The following DNAH14 variants were observed in gnomAD, a reference collection of about 807,000 sequenced individuals.
The protein encoded by DNAH14 is axonemal beta dynein heavy chain 14.
Under a neutral mutation model 520.9 loss-of-function variants are expected in DNAH14, and 478 were observed. That is an observed-to-expected ratio of 0.92 (90% CI 0.85 to 0.99). DNAH14 has a LOEUF of 0.99. DNAH14 is among the 50% of genes least tolerant of loss of function. DNAH14 has a pLI of 0.00. For synonymous variants in DNAH14, 1,581 were observed against 1,757.2 expected (o/e 0.90, Z 2.51); for missense variants, 4,831 against 5,234.5 (o/e 0.92, Z 2.38).
intron 26 of DNAH14, 33 bp downstream of exon 26, chr1:225,119,327 A>G: frequency 1.4e-6 from 2 of 1,413,150 alleles, no homozygotes; most frequent in Non-Finnish European, 1.9e-6. Flanking sequence ...AAAATTATAT[A>G]TTTTATATAT....
chr1:225,043,461 G>C (rs2067665729), intron 13 of DNAH14, among the ~76,000 whole-genome samples: 1 of 152,102 alleles, frequency 6.6e-6, no homozygotes, highest in Admixed American at 6.5e-5. Flanking sequence ...TGTCAGTAAT[G>C]ACACCATTAT....
intron 42 of DNAH14, 69 bp downstream of exon 42, chr1:225,231,220 G>T (rs913534569): frequency 3.0e-6 from 3 of 985,584 alleles, no homozygotes; most frequent in Non-Finnish European, 4.4e-6. Context: ...ATATGCACAG[G>T]ATTACTTCTC....
chr1:225,062,721 G>C (rs1360055501), intron 17 of DNAH14, among the ~76,000 whole-genome samples: 1 of 152,142 alleles, frequency 6.6e-6, no homozygotes, highest in Non-Finnish European at 1.5e-5. Context: ...AATTATACAA[G>C]GCATTCAGTG....
At chr1:225,171,024 G>T (rs1191111425) in intron 36 of DNAH14, among the ~76,000 whole-genome samples, 1 of 152,130 alleles carries the variant, frequency 6.6e-6, no homozygotes, top group Non-Finnish European at 1.5e-5. Context: ...TGACTACTGG[G>T]TACATAACGA....
rs1265294259 is a variant in DNAH14, at chr1:225,335,509, A to G, written c.10081-1757A>G. The stretch of plus-strand genomic sequence containing the variant: ...TATACACGTGTGTACATGTACACAT[A>G]TACATATGTACATATATACATATGT... On this transcript the variant is annotated intron_variant, in intron 66 of 85. Coordinates refer to ENST00000682510, the MANE Select transcript of DNAH14 (RefSeq NM_001367479.1). 2.7e-3 allele frequency among the ~76,000 whole-genome samples: 363 copies of G among 132,318 alleles called. 9 individuals are homozygous for G. Among genetic ancestry groups the G allele is most frequent in the Non-Finnish European group, 4.2e-3 (261 of 61,538 alleles). The allele number at this position is 132,318 out of a possible 152,430, so 86.8% of individuals were successfully genotyped here. A position where few individuals can be genotyped will look rare whatever the true frequency, so the allele number is the denominator to read the frequency against.
chr1:225,279,386 G>T (rs2093573507), intron 54 of DNAH14, among the ~76,000 whole-genome samples: 1 of 152,140 alleles, frequency 6.6e-6, no homozygotes, highest in Admixed American at 6.5e-5. Flanking sequence ...GTTTAATTTT[G>T]CATAACAGTA....
intron 35 of DNAH14, among the ~76,000 whole-genome samples, chr1:225,162,582 G>A (rs539577966): frequency 3.3e-5 from 5 of 152,152 alleles, no homozygotes; most frequent in Non-Finnish European, 5.9e-5. Context: ...GAATGTCATT[G>A]GTATTTTGAT....
At chr1:225,373,158 A>C (rs987588382) in intron 77 of DNAH14, among the ~76,000 whole-genome samples, 4 of 139,404 alleles carry the variant, frequency 2.9e-5, no homozygotes, top group Non-Finnish European at 6.3e-5. Flanking sequence ...GTGTATGCTA[A>C]ACTAGCATTT....
At chr1:224,981,937 T>C (rs2062299522) in intron 8 of DNAH14, among the ~76,000 whole-genome samples, 4 of 152,156 alleles carry the variant, frequency 2.6e-5, no homozygotes, top group Admixed American at 2.6e-4. Flanking sequence ...TTACATAACT[T>C]ATAATAATTG....
chr1:225,087,357 C>T (rs963748614), intron 21 of DNAH14, among the ~76,000 whole-genome samples: 1 of 152,218 alleles, frequency 6.6e-6, no homozygotes, highest in African/African-American at 2.4e-5. Flanking sequence ...GGGCAGAGCC[C>T]TCATGATCTA....
chr1:224,981,457 T>C (rs1417541487), intron 8 of DNAH14, among the ~76,000 whole-genome samples: 7 of 152,182 alleles, frequency 4.6e-5, no homozygotes, highest in Admixed American at 4.6e-4. Flanking sequence ...ACCATTTCAA[T>C]CTCGCTGCTT....
intron 39 of DNAH14, among the ~76,000 whole-genome samples, chr1:225,204,774 C>T (rs2087309557): frequency 6.6e-6 from 1 of 152,198 alleles, no homozygotes; most frequent in African/African-American, 2.4e-5. Flanking sequence ...CTGACCATTG[C>T]TTTCCCCACT....
intron 1 of DNAH14, among the ~76,000 whole-genome samples, chr1:224,933,848 G>A (rs982820442): frequency 6.6e-6 from 1 of 151,882 alleles, no homozygotes; most frequent in Admixed American, 6.6e-5. Context: ...GAGGAGTTTT[G>A]CGTCTATGTT....
chr1:225,358,647 C>T lies in DNAH14; in HGVS notation c.11771C>T (p.Thr3924Ile). The change falls in exon 74 of 86, where the codon ACT becomes ATT. Residue 3924 changes from threonine (T) to isoleucine (I), a missense_variant. Physicochemically the swap from Thr to Ile is moderately conservative, Grantham distance 89 (BLOSUM62 -1). Transcript: ENST00000682510. ...AGAACTCCGCTGATACTTATTCAAA[C>T]TCATGGTAAGCTATTTGTGAATAGT... Reference protein sequence around the residue: ...NARTPLILIQTHGIDLTNILL... With the variant: ...NARTPLILIQIHGIDLTNILL... 1 of 1,546,668 alleles carries T rather than the reference C, an allele frequency of 6.5e-7. No homozygotes were observed. Among genetic ancestry groups the T allele is most frequent in the Non-Finnish European group, 8.7e-7 (1 of 1,145,518 alleles).
chr1:224,979,609 G>A (rs560319313), intron 8 of DNAH14, among the ~76,000 whole-genome samples: 1 of 152,290 alleles, frequency 6.6e-6, no homozygotes, highest in South Asian at 2.1e-4. Context: ...TTTGAGCTTG[G>A]AACCAATGGA....
At chr1:224,979,505 C>T (rs1025213180) in intron 8 of DNAH14, among the ~76,000 whole-genome samples, 2 of 152,178 alleles carry the variant, frequency 1.3e-5, no homozygotes, top group Admixed American at 1.3e-4. Context: ...GCAAGCCTTG[C>T]CACTGCAGAC....
chr1:225,388,694 A>G (rs2095869411), intron 82 of DNAH14, among the ~76,000 whole-genome samples: 1 of 152,204 alleles, frequency 6.6e-6, no homozygotes, highest in Admixed American at 6.5e-5. Flanking sequence ...CCACTCCAAG[A>G]GACAGTTATG....
At chr1:224,966,673 C>A (rs1040604868) in intron 5 of DNAH14, among the ~76,000 whole-genome samples, 1 of 152,086 alleles carries the variant, frequency 6.6e-6, no homozygotes, top group African/African-American at 2.4e-5. Flanking sequence ...AATTATCTAA[C>A]TTATCAAAAT....
intron 41 of DNAH14, among the ~76,000 whole-genome samples, chr1:225,222,590 A>G (rs1254448057): frequency 6.6e-6 from 1 of 152,090 alleles, no homozygotes; most frequent in Non-Finnish European, 1.5e-5. Flanking sequence ...GGTCCATTTT[A>G]CAGAGTGCTG....
Sources: allele counts gnomAD v4.1 joint callset (sites outside exome capture counted in the v4.1 genomes callset), GRCh38; gene constraint gnomAD v4.1.1; transcripts MANE v1.5; gene names NCBI Gene and HGNC (gene_info 2026-07-23, HGNC 2026-07-21).